SLC9A9: variants seen among roughly 807,000 people sequenced by gnomAD.
SLC9A9 encodes solute carrier family 9 member A9.
SLC9A9 carries 62 observed loss-of-function variants against 77.8 expected under a neutral mutation model. The observed-to-expected ratio is 0.80, with a 90% CI of 0.65 to 0.98. The LOEUF is 0.98. SLC9A9 is among the 50% of genes least tolerant of loss of function. The probability of loss-of-function intolerance (pLI) is 0.00; values close to 1 mark genes in which losing one functional copy is unlikely to be tolerated. For synonymous variants in SLC9A9, 320 were observed against 283.5 expected, an observed-to-expected ratio of 1.13 and a Z score of -1.29; for missense variants, 775 against 774.9, an observed-to-expected ratio of 1.00 and a Z score of 0.00.
At chr3:143,317,983 T>A (rs1054014386) in intron 14 of SLC9A9, among the ~76,000 whole-genome samples, 1 of 152,194 alleles carries the variant, frequency 6.6e-6, no homozygotes, top group African/African-American at 2.4e-5. Flanking sequence ...CACCTTGGCC[T>A]CCCAAAGTGC....
At chr3:143,415,806 C>T (rs1303879091) in intron 12 of SLC9A9, among the ~76,000 whole-genome samples, 1 of 152,238 alleles carries the variant, frequency 6.6e-6, no homozygotes, top group Admixed American at 6.5e-5. Flanking sequence ...AGTGATTCCT[C>T]TGTCACTATC....
chr3:143,320,085 G>C (rs1394787296), intron 14 of SLC9A9, among the ~76,000 whole-genome samples: 1 of 152,170 alleles, frequency 6.6e-6, no homozygotes, highest in Non-Finnish European at 1.5e-5. Flanking sequence ...TCTTTGGAGT[G>C]GCAGAGATGA....
At chr3:143,618,368 C>T (rs55693033) in intron 6 of SLC9A9, among the ~76,000 whole-genome samples, 16,481 of 152,074 alleles carry the variant, frequency 0.11, 1,056 homozygotes, top group Non-Finnish European at 0.14. Flanking sequence ...GTATTCGATG[C>T]CAATGGTCAG....
intron 5 of SLC9A9, among the ~76,000 whole-genome samples, chr3:143,663,470 C>T (rs1005601231): frequency 1.1e-4 from 17 of 152,250 alleles, no homozygotes; most frequent in Admixed American, 3.9e-4. Flanking sequence ...ACGAATTCGA[C>T]GAGTTGATAG....
At chr3:143,815,648 G>A (rs553666318) in intron 2 of SLC9A9, among the ~76,000 whole-genome samples, 5 of 152,080 alleles carry the variant, frequency 3.3e-5, no homozygotes, top group South Asian at 2.1e-4. Flanking sequence ...GACGGATCAC[G>A]AGGTCAAGAG....
At chr3:143,463,228 G>C (rs139040088) in intron 12 of SLC9A9, among the ~76,000 whole-genome samples, 1 of 152,340 alleles carries the variant, frequency 6.6e-6, no homozygotes, top group African/African-American at 2.4e-5. Flanking sequence ...CAGATATTGT[G>C]AAGAGATGGG....
At chr3:143,667,805 A>AT (rs2039094047) in intron 5 of SLC9A9, among the ~76,000 whole-genome samples, 1 of 152,246 alleles carries the variant, frequency 6.6e-6, no homozygotes, top group Non-Finnish European at 1.5e-5. Flanking sequence ...GCCAGTTATT[A>AT]TGGCGATCAT....
chr3:143,644,087 G>C (rs776222335), intron 6 of SLC9A9, among the ~76,000 whole-genome samples: 1 of 152,226 alleles, frequency 6.6e-6, no homozygotes, highest in Admixed American at 6.5e-5. Context: ...GAGACAATCG[G>C]GGCCAAGAGA....
intron 14 of SLC9A9, among the ~76,000 whole-genome samples, chr3:143,302,343 G>A (rs1167216271): frequency 6.6e-6 from 1 of 152,134 alleles, no homozygotes; most frequent in African/African-American, 2.4e-5. Context: ...ATGAATGCTT[G>A]TCTAAAAAGA....
At chr3:143,728,699 T>G (rs1934726305) in intron 4 of SLC9A9, among the ~76,000 whole-genome samples, 1 of 152,036 alleles carries the variant, frequency 6.6e-6, no homozygotes, top group African/African-American at 2.4e-5. Context: ...GACAGTGTAT[T>G]GGCTTCGGGG....
rs2009865409 is a variant in SLC9A9, at chr3:143,848,021, T to G, written c.175+127A>C. ...TAGCATTCGTTACGCTGCAGCACCT[T>G]TCATCAAACTAATGACATTTCAATC... On this transcript the variant is annotated intron_variant, in intron 1 of 15. Transcript: ENST00000316549. 3.0e-6 allele frequency: 3 copies of G among 998,390 alleles called. No individual in the cohort carries two copies. In the East Asian group the frequency reaches 7.5e-5, roughly 25 times the overall value. 61.8% of individuals were successfully genotyped at this position (998,390 alleles called of 1,614,324 possible).
At chr3:143,754,873 C>T (rs2006871270) in intron 4 of SLC9A9, among the ~76,000 whole-genome samples, 3 of 152,136 alleles carry the variant, frequency 2.0e-5, no homozygotes, top group African/African-American at 4.8e-5. Context: ...TCAAAAGAAC[C>T]TCATTTGGGT....
At chr3:143,737,827 AC>A (rs1230991853) in intron 4 of SLC9A9, among the ~76,000 whole-genome samples, 1 of 152,152 alleles carries the variant, frequency 6.6e-6, no homozygotes, top group Non-Finnish European at 1.5e-5. Context: ...AGTCTCAGTC[AC>A]CCCGGCCCGA....
chr3:143,782,606 T>C (rs1226081570), intron 4 of SLC9A9, among the ~76,000 whole-genome samples: 1 of 152,222 alleles, frequency 6.6e-6, no homozygotes, highest in Non-Finnish European at 1.5e-5. Context: ...AGATAATGAA[T>C]GCTGAATGGT....
At chr3:143,376,769 C>T (rs2033188630) in intron 13 of SLC9A9, among the ~76,000 whole-genome samples, 1 of 152,012 alleles carries the variant, frequency 6.6e-6, no homozygotes, top group Non-Finnish European at 1.5e-5. Context: ...CAATGTTGGC[C>T]AAGGGAAAAC....
Position 143,622,564 on chromosome 3 carries a change from C to T in SLC9A9, c.755+29691G>A, listed in dbSNP as rs536869692. ...AAAATACTTTACAGACAAGAAAATGCTGAGAGATTTTGTCACCACCAGGCC... is the reference window on the plus strand; with the variant it reads ...AAAATACTTTACAGACAAGAAAATGTTGAGAGATTTTGTCACCACCAGGCC... On this transcript the variant is annotated intron_variant, in intron 6 of 15. Coordinates refer to ENST00000316549, the MANE Select transcript of SLC9A9 (RefSeq NM_173653.4). Among the ~76,000 whole-genome samples the T allele has an allele frequency of 2.6e-5, 4 of 152,256 alleles. No homozygotes were observed. The East Asian group carries it at 7.7e-4, about 29-fold the overall frequency.
At chr3:143,618,726 A>G (rs1314028716) in intron 6 of SLC9A9, among the ~76,000 whole-genome samples, 1 of 152,212 alleles carries the variant, frequency 6.6e-6, no homozygotes, top group East Asian at 1.9e-4. Context: ...CTTCAAAGAT[A>G]TCCTCATCTA....
chr3:143,288,230 A>G (rs529422582), intron 14 of SLC9A9, among the ~76,000 whole-genome samples: 14 of 148,758 alleles, frequency 9.4e-5, no homozygotes, highest in African/African-American at 3.1e-4. Context: ...GAGTATAGGG[A>G]AAAAAAAGCT....
intron 12 of SLC9A9, among the ~76,000 whole-genome samples, chr3:143,433,278 A>G (rs1272511406): frequency 6.6e-6 from 1 of 152,166 alleles, no homozygotes; most frequent in African/African-American, 2.4e-5. Flanking sequence ...TTTTTAAAAG[A>G]GATGGTTGCT....
Sources: allele counts gnomAD v4.1 joint callset (sites outside exome capture counted in the v4.1 genomes callset), GRCh38; gene constraint gnomAD v4.1.1; transcripts MANE v1.5; gene names NCBI Gene and HGNC (gene_info 2026-07-23, HGNC 2026-07-21).